The following ZFPM2 variants were observed in gnomAD, a reference collection of about 807,000 sequenced individuals.
The protein encoded by ZFPM2 is zinc finger protein ZFPM2.
Under a neutral mutation model 98.6 loss-of-function variants are expected in ZFPM2, and 20 were observed. The ratio of observed to expected loss-of-function variants is 0.20; its 90% CI spans 0.14 to 0.29. The LOEUF is 0.29. Ranked by LOEUF, ZFPM2 falls within the 10% of genes least tolerant of loss-of-function variation. The pLI, the probability that ZFPM2 is intolerant of heterozygous loss-of-function variation, is 1.00. For synonymous variants in ZFPM2, 518 were observed against 502.7 expected, an observed-to-expected ratio of 1.03 and a Z score of -0.41; for missense variants, 1,310 against 1,388.6, an observed-to-expected ratio of 0.94 and a Z score of 0.90.
chr8:105,408,718 A>C (rs1426424149), intron 1 of ZFPM2, among the ~76,000 whole-genome samples: 1 of 151,796 alleles, frequency 6.6e-6, no homozygotes, highest in Non-Finnish European at 1.5e-5. Flanking sequence ...ACAAGTGTGC[A>C]GGACTGTACA....
At chr8:105,739,094 C>G (rs1167826537) in intron 5 of ZFPM2, among the ~76,000 whole-genome samples, 2 of 152,008 alleles carry the variant, frequency 1.3e-5, no homozygotes, top group Admixed American at 6.6e-5. Flanking sequence ...TAAATAAGTG[C>G]CACATCCTTA....
chr8:105,506,761 G>T (rs1375375351), intron 3 of ZFPM2, among the ~76,000 whole-genome samples: 3 of 152,140 alleles, frequency 2.0e-5, no homozygotes, highest in African/African-American at 7.2e-5. Context: ...GCTGAGGCGG[G>T]CGGATCACGA....
chr8:105,519,180 A>G (rs1246059017), intron 3 of ZFPM2, among the ~76,000 whole-genome samples: 2 of 152,126 alleles, frequency 1.3e-5, no homozygotes, highest in Non-Finnish European at 2.9e-5. Flanking sequence ...TTATATAGCT[A>G]GTAAGTGGCC....
chr8:105,635,458 T>TAA (rs757293295), intron 5 of ZFPM2, among the ~76,000 whole-genome samples: 1 of 139,524 alleles, frequency 7.2e-6, no homozygotes, highest in Non-Finnish European at 1.6e-5. Flanking sequence ...ATTTGCAAGC[T>TAA]AAAAAAAAAA....
intron 7 of ZFPM2, among the ~76,000 whole-genome samples, chr8:105,799,552 A>T (rs970745713): frequency 7.9e-5 from 12 of 152,288 alleles, no homozygotes; most frequent in Non-Finnish European, 1.3e-4. Flanking sequence ...AAAAACAAAT[A>T]AGCTTTTTAA....
chr8:105,361,720 G>T (rs1245459944), intron 1 of ZFPM2, among the ~76,000 whole-genome samples: 4 of 152,134 alleles, frequency 2.6e-5, no homozygotes, highest in Admixed American at 2.0e-4. Flanking sequence ...ATTGAAGCTT[G>T]CATTTAATAG....
chr8:105,752,610 A>G (rs7837119), intron 5 of ZFPM2, among the ~76,000 whole-genome samples: 24,318 of 152,114 alleles, frequency 0.16, 3,193 homozygotes, highest in African/African-American at 0.36. Context: ...TCATAATCGT[A>G]TAGAATAAAC....
chr8:105,791,318 A>G (rs1813604004), intron 6 of ZFPM2, among the ~76,000 whole-genome samples: 1 of 152,148 alleles, frequency 6.6e-6, no homozygotes, highest in Non-Finnish European at 1.5e-5. Flanking sequence ...GAATTTTGTC[A>G]AAGGCCTTTT....
At chr8:105,522,481 T>C (rs7820577) in intron 3 of ZFPM2, among the ~76,000 whole-genome samples, 6,052 of 152,118 alleles carry the variant, frequency 0.04, 405 homozygotes, top group African/African-American at 0.14. Flanking sequence ...GCATTGAAAA[T>C]ATATTTATGG....
At chr8:105,529,252 T>C (rs1349552440) in intron 3 of ZFPM2, among the ~76,000 whole-genome samples, 1 of 152,122 alleles carries the variant, frequency 6.6e-6, no homozygotes, top group Admixed American at 6.6e-5. Context: ...CAGATATTAC[T>C]TGATTTTACC....
At chr8:105,676,538 G>A (rs886687757) in intron 5 of ZFPM2, among the ~76,000 whole-genome samples, 1 of 151,994 alleles carries the variant, frequency 6.6e-6, no homozygotes, top group African/African-American at 2.4e-5. Flanking sequence ...TTCAGCGTCA[G>A]CATTCTTTTC....
In ZFPM2 at chr8:105,801,672, T is replaced by C. The variant is rs1271406728; in HGVS notation, c.1590T>C (p.His530=). ...AACTGGTGCATCGGCGACTGAGGCA[T>C]GGCAGTAGTAGCTACCCTCCCGTCA... ...MSELVHRRLR[H]GSSSYPPVIY... The change falls in exon 8 of 8, where the codon CAT becomes CAC. Residue 530 remains histidine (H), a synonymous_variant. Transcript: ENST00000407775. 8.7e-6 allele frequency: 14 copies of C among 1,613,640 alleles called. No individual in the cohort carries two copies. The highest frequency in any genetic ancestry group is 1.2e-5 in the Non-Finnish European group (14 of 1,179,874).
At chr8:105,504,009 G>C (rs1282072126) in intron 3 of ZFPM2, among the ~76,000 whole-genome samples, 1 of 152,114 alleles carries the variant, frequency 6.6e-6, no homozygotes, top group Non-Finnish European at 1.5e-5. Flanking sequence ...TAGTTGGTTG[G>C]AGCTGCCCTT....
chr8:105,504,249 A>G (rs1813652677), intron 3 of ZFPM2, among the ~76,000 whole-genome samples: 1 of 152,142 alleles, frequency 6.6e-6, no homozygotes, highest in South Asian at 2.1e-4. Flanking sequence ...GGGGAACACA[A>G]GATTGCTCAG....
intron 1 of ZFPM2, among the ~76,000 whole-genome samples, chr8:105,379,166 A>G (rs527894487): frequency 3.9e-5 from 6 of 152,296 alleles, no homozygotes; most frequent in South Asian, 2.1e-4. Context: ...ATAACTTGTT[A>G]ATTTCTACAT....
chr8:105,339,319 A>G (rs1812385126), intron 1 of ZFPM2, among the ~76,000 whole-genome samples: 1 of 151,730 alleles, frequency 6.6e-6, no homozygotes, highest in South Asian at 2.1e-4. Context: ...ATTAAGAAAA[A>G]CACCAATAGC....
At chr8:105,646,720 C>T (rs1033356886) in intron 5 of ZFPM2, among the ~76,000 whole-genome samples, 3 of 151,992 alleles carry the variant, frequency 2.0e-5, no homozygotes, top group Non-Finnish European at 4.4e-5. Context: ...TTAACTTCTC[C>T]CAAGAACAAC....
chr8:105,426,311 C>T lies in ZFPM2; in HGVS notation c.199+7009C>T, dbSNP rs1811909824. ...AAGCCAATATGACTTTGTTTTTTAC[C>T]TTGCTGGAGGAACTGTTTGTGCAAA... On this transcript the variant is annotated intron_variant, in intron 2 of 7. Transcript: ENST00000407775. 2.6e-5 allele frequency among the ~76,000 whole-genome samples: 4 copies of T among 152,220 alleles called. No homozygotes were observed. In the South Asian group the frequency reaches 8.3e-4, roughly 32 times the overall value.
chr8:105,747,964 G>A (rs1743022970), intron 5 of ZFPM2, among the ~76,000 whole-genome samples: 1 of 152,082 alleles, frequency 6.6e-6, no homozygotes, highest in South Asian at 2.1e-4. Flanking sequence ...TTACTTCAAT[G>A]TATGTAGCGT....
Sources: allele counts gnomAD v4.1 joint callset (sites outside exome capture counted in the v4.1 genomes callset), GRCh38; gene constraint gnomAD v4.1.1; transcripts MANE v1.5; gene names NCBI Gene and HGNC (gene_info 2026-07-23, HGNC 2026-07-21).